RIMKLB: variants seen among roughly 807,000 people sequenced by gnomAD.
The protein encoded by RIMKLB is ribosomal modification protein rimK like family member B.
A neutral mutation model predicts 32.0 loss-of-function variants in RIMKLB; 7 were observed. The ratio of observed to expected loss-of-function variants is 0.22; its 90% CI spans 0.12 to 0.41. The LOEUF is 0.41. Among genes scored for constraint, RIMKLB ranks in the 10% least tolerant of loss-of-function variants. RIMKLB has a pLI of 1.00. For synonymous variants in RIMKLB, 172 were observed against 185.1 expected (o/e 0.93, Z 0.57); for missense variants, 289 against 498.7 (o/e 0.58, Z 4.00).
intron 2 of RIMKLB, chr12:8,742,301 C>T (rs945803758): frequency 6.3e-6 from 1 of 157,602 alleles, no homozygotes; most frequent in Non-Finnish European, 1.4e-5. Context: ...GATTTTAATG[C>T]TTTTCATTTG....
intron 1 of RIMKLB, among the ~76,000 whole-genome samples, chr12:8,687,901 G>C (rs1251987963): frequency 2.6e-5 from 4 of 151,978 alleles, no homozygotes; most frequent in African/African-American, 4.8e-5. Context: ...TGTTGGGAGA[G>C]TGATGGATGG....
intron 2 of RIMKLB, among the ~76,000 whole-genome samples, chr12:8,723,962 C>T (rs1412240867): frequency 2.0e-5 from 3 of 150,522 alleles, no homozygotes; most frequent in Non-Finnish European, 2.9e-5. Flanking sequence ...ACTACAGGCA[C>T]GCGCCACCAT....
At chr12:8,704,866 T>A (rs5028497) in intron 1 of RIMKLB, among the ~76,000 whole-genome samples, 4 of 151,970 alleles carry the variant, frequency 2.6e-5, no homozygotes, top group Non-Finnish European at 5.9e-5. Flanking sequence ...ATACCTGTCA[T>A]CCCACCTACT....
intron 1 of RIMKLB, among the ~76,000 whole-genome samples, chr12:8,708,188 T>C (rs867874051): frequency 1.3e-5 from 2 of 152,128 alleles, no homozygotes; most frequent in African/African-American, 4.8e-5. Context: ...TATTAGTGTA[T>C]TTTTTTCCTT....
At chr12:8,678,985 T>C (rs1942360687), upstream of RIMKLB, 1 of 152,232 alleles carries the variant, frequency 6.6e-6, no homozygotes, top group African/African-American at 2.4e-5. Context: ...CAAGGGGTTG[T>C]ATTCGTTGAA....
intron 2 of RIMKLB, among the ~76,000 whole-genome samples, chr12:8,729,646 G>A (rs1591778142): frequency 1.3e-5 from 2 of 152,228 alleles, no homozygotes; most frequent in South Asian, 4.1e-4. Flanking sequence ...TTTTTGGCTT[G>A]AGGGTTGGGC....
chr12:8,712,694 C>T (rs1320856427), intron 1 of RIMKLB, among the ~76,000 whole-genome samples: 1 of 152,160 alleles, frequency 6.6e-6, no homozygotes, highest in Non-Finnish European at 1.5e-5. Flanking sequence ...CTGATGGGGC[C>T]TCTGCCCAGC....
upstream of RIMKLB, among the ~76,000 whole-genome samples, chr12:8,680,313 C>A (rs1161847683): frequency 2.6e-5 from 4 of 152,118 alleles, no homozygotes; most frequent in Non-Finnish European, 5.9e-5. Flanking sequence ...CCCGCCACCA[C>A]GCCCGGCTAA....
intron 1 of RIMKLB, among the ~76,000 whole-genome samples, chr12:8,698,513 C>T (rs1398513991): frequency 6.6e-6 from 1 of 152,022 alleles, no homozygotes; most frequent in Non-Finnish European, 1.5e-5. Flanking sequence ...CCGGCCTTCG[C>T]GCGTGTGCCG....
At position 8,742,801 on chromosome 12, in the gene RIMKLB, G is replaced by T. The variant is rs149810140; in HGVS notation, c.176-7061G>T. ...CTTTCCAGGAGCTGTGCCTTCTGAT[G>T]GTTATTGATCCCAAGGCTGACCACC... On this transcript the variant is annotated intron_variant, in intron 2 of 5. Coordinates refer to ENST00000535829, the MANE Select transcript of RIMKLB (RefSeq NM_001297776.2). 327 of 220,260 alleles carry T rather than the reference G, an allele frequency of 1.5e-3. 6 individuals carry two copies. The highest frequency in any genetic ancestry group is 7.3e-3 in the African/African-American group (312 of 42,844). 13.6% of individuals were successfully genotyped at this position (220,260 alleles called of 1,614,324 possible).
chr12:8,751,345 T>C (rs1948605143), intron 3 of RIMKLB, among the ~76,000 whole-genome samples: 1 of 152,254 alleles, frequency 6.6e-6, no homozygotes, highest in Admixed American at 6.5e-5. Flanking sequence ...TCTCTAATCA[T>C]GCTGATTTTT....
intron 1 of RIMKLB, among the ~76,000 whole-genome samples, chr12:8,704,827 A>G (rs1387165728): frequency 2.0e-5 from 3 of 148,330 alleles, no homozygotes; most frequent in Non-Finnish European, 4.4e-5. Flanking sequence ...CTAAAAGAAG[A>G]GGAAAAAATT....
chr12:8,690,462 C>T (rs1213935371), intron 1 of RIMKLB, among the ~76,000 whole-genome samples: 1 of 152,198 alleles, frequency 6.6e-6, no homozygotes, highest in Non-Finnish European at 1.5e-5. Flanking sequence ...AAACTGCAGA[C>T]AATCCTTTTT....
At chr12:8,744,520 T>C in intron 2 of RIMKLB, among the ~76,000 whole-genome samples, 1 of 151,876 alleles carries the variant, frequency 6.6e-6, no homozygotes, top group Non-Finnish European at 1.5e-5. Flanking sequence ...TACATTGTCT[T>C]TCTTCCTGAT....
intron 2 of RIMKLB, among the ~76,000 whole-genome samples, chr12:8,736,517 C>CTTT (rs1157484475): frequency 5.5e-5 from 7 of 126,774 alleles, no homozygotes; most frequent in South Asian, 2.5e-4. Context: ...CATGTATTTC[C>CTTT]TTTTTTTTTT....
Position 8,775,099 on chromosome 12 carries a change from T to G in RIMKLB, c.*1315T>G. On this transcript the variant is annotated 3_prime_UTR_variant, in exon 6 of 6. Coordinates refer to ENST00000535829, the MANE Select transcript of RIMKLB (RefSeq NM_001297776.2). ...TTAGGCCTTTTTGTGTATATGTACG[T>G]TGTTTGTTTTTTTCCTTTTGTTTCT... The G allele has an allele frequency of 2.0e-6, 2 of 985,492 alleles. No individual in the cohort carries two copies. The highest frequency in any genetic ancestry group is 2.4e-6 in the Non-Finnish European group (2 of 829,758). 61.0% of individuals were successfully genotyped at this position (985,492 alleles called of 1,614,324 possible). A position where few individuals can be genotyped will look rare whatever the true frequency, so the allele number is the denominator to read the frequency against.
chr12:8,765,528 G>A (rs557923796), intron 5 of RIMKLB, among the ~76,000 whole-genome samples: 2 of 152,124 alleles, frequency 1.3e-5, no homozygotes, highest in East Asian at 3.9e-4. Flanking sequence ...TCAAAGGATT[G>A]TCCTAACCCT....
chr12:8,731,705 T>G (rs1946563068), intron 2 of RIMKLB, among the ~76,000 whole-genome samples: 1 of 152,192 alleles, frequency 6.6e-6, no homozygotes, highest in African/African-American at 2.4e-5. Flanking sequence ...TTTTGGCATC[T>G]TATATATGTA....
At chr12:8,721,118 A>AT (rs1444793096) in intron 2 of RIMKLB, among the ~76,000 whole-genome samples, 1 of 152,218 alleles carries the variant, frequency 6.6e-6, no homozygotes, top group East Asian at 1.9e-4. Flanking sequence ...AGATCTCTTT[A>AT]TAGGCACACC....
Sources: gnomAD v4.1 joint callset for allele counts (sites outside exome capture counted in the v4.1 genomes callset) on GRCh38, gnomAD v4.1.1 for gene constraint, MANE v1.5 for transcripts, NCBI Gene and HGNC (gene_info 2026-07-23, HGNC 2026-07-21) for gene names.